Variants in PHACTR3 observed in about 807,000 individuals in gnomAD.
PHACTR3 encodes phosphatase and actin regulator 3.
PHACTR3 carries 16 observed loss-of-function variants against 66.8 expected under a neutral mutation model. The observed-to-expected ratio is 0.24, with a 90% confidence interval of 0.16 to 0.36. The LOEUF is 0.36. PHACTR3 is among the 10% of genes least tolerant of loss of function. The pLI, the probability that PHACTR3 is intolerant of heterozygous loss-of-function variation, is 1.00. For missense variants in PHACTR3, 647 were observed against 719.9 expected (o/e 0.90, Z 1.16); for synonymous variants, 323 against 292.1 (o/e 1.11, Z -1.08).
chr20:59,611,317 C>T (rs2033836780), intron 1 of PHACTR3, among the ~76,000 whole-genome samples: 1 of 152,256 alleles, frequency 6.6e-6, no homozygotes, highest in African/African-American at 2.4e-5. Context: ...GAGGTAATTC[C>T]ATCTTCTGTT....
intron 7 of PHACTR3, among the ~76,000 whole-genome samples, chr20:59,784,300 A>G (rs1009450535): frequency 7.0e-6 from 1 of 143,694 alleles, no homozygotes; most frequent in Non-Finnish European, 1.5e-5. Flanking sequence ...ATGCACATAT[A>G]TGTGTGTGTG....
At chr20:59,597,167 T>C (rs1341895942) in intron 1 of PHACTR3, among the ~76,000 whole-genome samples, 4 of 152,246 alleles carry the variant, frequency 2.6e-5, no homozygotes, top group Non-Finnish European at 4.4e-5. Flanking sequence ...GTCCTGTTGG[T>C]AACCCTTGTT....
At chr20:59,787,701 C>G (rs374181051) in intron 7 of PHACTR3, among the ~76,000 whole-genome samples, 95 of 152,304 alleles carry the variant, frequency 6.2e-4, no homozygotes, top group African/African-American at 2.2e-3. Context: ...CAGTGCCATT[C>G]CTTAGTCAGG....
chr20:59,603,976 C>T (rs911126112), upstream of PHACTR3: 6 of 152,298 alleles, frequency 3.9e-5, no homozygotes, highest in African/African-American at 1.4e-4. Context: ...GTGTCGCCTC[C>T]CTTGCCTGGC....
intron 1 of PHACTR3, among the ~76,000 whole-genome samples, chr20:59,734,872 C>T (rs1296278384): frequency 6.6e-6 from 1 of 152,084 alleles, no homozygotes; most frequent in East Asian, 1.9e-4. Context: ...TACCTACTAC[C>T]TCCCCTAGCT....
chr20:59,634,187 G>A (rs1314080383), intron 1 of PHACTR3, among the ~76,000 whole-genome samples: 4 of 152,168 alleles, frequency 2.6e-5, no homozygotes, highest in African/African-American at 7.2e-5. Context: ...TTTAGGGGCT[G>A]GAAATATTTA....
At chr20:59,631,431 G>A (rs564039895) in intron 1 of PHACTR3, among the ~76,000 whole-genome samples, 1 of 152,290 alleles carries the variant, frequency 6.6e-6, no homozygotes, top group South Asian at 2.1e-4. Flanking sequence ...GCAGGGACAG[G>A]GGAGGGAGGT....
At chr20:59,805,585 G>T (rs186361510) in intron 7 of PHACTR3, among the ~76,000 whole-genome samples, 2 of 152,168 alleles carry the variant, frequency 1.3e-5, no homozygotes, top group Admixed American at 1.3e-4. Flanking sequence ...CCTAGCGTGG[G>T]ATATCTAGAA....
intron 2 of PHACTR3, 26 bp from the exon 3 acceptor site, chr20:59,747,728 GACTC>G (rs755434405): frequency 9.3e-6 from 15 of 1,610,520 alleles, no homozygotes; most frequent in Non-Finnish European, 1.2e-5. Flanking sequence ...CTTTGCCTGA[GACTC>G]ACCTGTGTGT....
chr20:59,680,605 G>A (rs146274024), intron 1 of PHACTR3, among the ~76,000 whole-genome samples: 3 of 152,308 alleles, frequency 2.0e-5, no homozygotes, highest in African/African-American at 7.2e-5. Flanking sequence ...ATGCAGCCCA[G>A]GATGGCTTTG....
intron 1 of PHACTR3, among the ~76,000 whole-genome samples, chr20:59,729,385 C>T (rs898940874): frequency 2.6e-5 from 4 of 152,058 alleles, no homozygotes; most frequent in South Asian, 4.2e-4. Flanking sequence ...AAAAGGAGAC[C>T]GGGGCACGAG....
At chr20:59,721,783 C>T (rs2038311665) in intron 1 of PHACTR3, among the ~76,000 whole-genome samples, 2 of 152,278 alleles carry the variant, frequency 1.3e-5, no homozygotes, top group South Asian at 4.1e-4. Flanking sequence ...TAGTTATTTG[C>T]TATCAACTGA....
chr20:59,818,427 C>G (rs2041943172), intron 8 of PHACTR3, among the ~76,000 whole-genome samples: 1 of 152,246 alleles, frequency 6.6e-6, no homozygotes, highest in African/African-American at 2.4e-5. Flanking sequence ...TTGTCTCTTT[C>G]AGTTTTAACA....
chr20:59,593,413 A>AGGTGT (rs914404692), intron 1 of PHACTR3, among the ~76,000 whole-genome samples: 1 of 151,576 alleles, frequency 6.6e-6, no homozygotes, highest in African/African-American at 2.4e-5. Context: ...GTCCTTTTTT[A>AGGTGT]GGTGTCTTTT....
chr20:59,672,571 A>G (rs2036231062), intron 1 of PHACTR3, among the ~76,000 whole-genome samples: 1 of 152,160 alleles, frequency 6.6e-6, no homozygotes, highest in South Asian at 2.1e-4. Flanking sequence ...GGGCATCAAG[A>G]GAGGAATAGG....
rs112398513 is a variant in PHACTR3 at position 59,765,693 on chromosome 20, A to C, written c.542-1493A>C. On this transcript the variant is annotated intron_variant, in intron 4 of 12. Coordinates refer to ENST00000371015, the MANE Select transcript of PHACTR3 (RefSeq NM_080672.5). The stretch of plus-strand genomic sequence containing the variant: ...TGGTGTTTAGCTGGAGGCTCTCTGC[A>C]GGCAGGAATTAGGCCTGTTGTAACA... 2.0e-3 allele frequency among the ~76,000 whole-genome samples: 305 copies of C among 152,346 alleles called. 5 individuals are homozygous for C. The highest frequency in any genetic ancestry group is 7.0e-3 in the African/African-American group (289 of 41,580).
chr20:59,680,146 G>A lies in PHACTR3; in HGVS notation c.119-62961G>A, dbSNP rs566890452. On this transcript the variant is annotated intron_variant, in intron 1 of 12. Transcript: ENST00000371015. The stretch of plus-strand genomic sequence containing the variant: ...TGGTGACTCTGGGTCAAAGGACCCT[G>A]GTCCAGAAGGGTTCCGTGTGGGGAT... Among the ~76,000 whole-genome samples, 3 of 152,170 alleles carry A rather than the reference G, an allele frequency of 2.0e-5. No individual in the cohort carries two copies. The South Asian group carries it at 6.2e-4, about 32-fold the overall frequency.
intron 8 of PHACTR3, among the ~76,000 whole-genome samples, chr20:59,815,131 A>C (rs1204768493): frequency 6.6e-6 from 1 of 152,172 alleles, no homozygotes; most frequent in Non-Finnish European, 1.5e-5. Flanking sequence ...ACAGTCTTCA[A>C]GGAGCAAAGC....
At chr20:59,783,416 G>T (rs1231391179) in intron 7 of PHACTR3, among the ~76,000 whole-genome samples, 1 of 151,964 alleles carries the variant, frequency 6.6e-6, no homozygotes, top group African/African-American at 2.4e-5. Context: ...GCTGAAACAG[G>T]GCTGCCCCCC....
Sources: allele counts gnomAD v4.1 joint callset (sites outside exome capture counted in the v4.1 genomes callset), GRCh38; gene constraint gnomAD v4.1.1; transcripts MANE v1.5; gene names NCBI Gene and HGNC (gene_info 2026-07-23, HGNC 2026-07-21).